LSM12: variants seen among roughly 807,000 people sequenced by gnomAD.
LSM12 encodes the protein protein LSM12.
For missense variants in LSM12, 108 were observed against 238.9 expected, an observed-to-expected ratio of 0.45 and a Z score of 3.61; for synonymous variants, 74 against 87.3, an observed-to-expected ratio of 0.85 and a Z score of 0.85.
At chr17:44,039,437 A>C (rs1597882633) in intron 3 of LSM12, among the ~76,000 whole-genome samples, 1 of 122,562 alleles carries the variant, frequency 8.2e-6, no homozygotes, top group Non-Finnish European at 1.6e-5. Context: ...TGCGGACTGC[A>C]GTGGCGCAAT....
chr17:44,038,451 G>A (rs1240649169), intron 3 of LSM12, among the ~76,000 whole-genome samples: 1 of 151,900 alleles, frequency 6.6e-6, no homozygotes, highest in Non-Finnish European at 1.5e-5. Flanking sequence ...GAGGTCAGGA[G>A]ATCGAGACCA....
rs1275674064 is a variant in LSM12, at chr17:44,035,644, G to A, written c.*564C>T. 5.9e-5 allele frequency: 1 copy of A among 17,082 alleles called. No individual in the cohort carries two copies. The highest frequency in any genetic ancestry group is 1.1e-4 in the Non-Finnish European group (1 of 9,264). The allele number at this position is 17,082 out of a possible 1,614,324, so 1.1% of individuals were successfully genotyped here. Reference sequence around the variant, plus strand: ...TTTTCATATATATATTTAAAGTTAAGAAAAATAAAACTAATTCAAGCCATG... The same window carrying A: ...TTTTCATATATATATTTAAAGTTAAAAAAAATAAAACTAATTCAAGCCATG... On this transcript the variant is annotated 3_prime_UTR_variant, in exon 5 of 5. Coordinates refer to ENST00000293406, the MANE Select transcript of LSM12 (RefSeq NM_001371445.1).
At chr17:44,063,440 A>T (rs2144116123) in intron 2 of LSM12, among the ~76,000 whole-genome samples, 1 of 152,220 alleles carries the variant, frequency 6.6e-6, no homozygotes, top group Middle Eastern at 3.4e-3. Context: ...GAAAATGCAT[A>T]TATTCACGTA....
At chr17:44,037,284 A>G in intron 4 of LSM12, 128 bp downstream of exon 4, 1 of 1,151,416 alleles carries the variant, frequency 8.7e-7, no homozygotes, top group Non-Finnish European at 1.2e-6. Flanking sequence ...GAAGGCAGGG[A>G]GGCCAGACAG....
intron 2 of LSM12, among the ~76,000 whole-genome samples, chr17:44,041,061 G>A (rs371624703): frequency 5.7e-4 from 80 of 140,204 alleles, no homozygotes; most frequent in African/African-American, 2.0e-3. Context: ...CACTGAGGTA[G>A]GGAGTTCGAG....
chr17:44,041,273 TAAAAA>T (rs11302122), intron 2 of LSM12, among the ~76,000 whole-genome samples: 24,613 of 108,520 alleles, frequency 0.23, 3,196 homozygotes, highest in Middle Eastern at 0.33. Flanking sequence ...TCTGTCTCTT[TAAAAA>T]AAAAAAAAAC....
At position 44,066,620 on chromosome 17, in the gene LSM12, C is replaced by A; in HGVS notation, c.-33G>T. On this transcript the variant is annotated 5_prime_UTR_variant, in exon 1 of 5. Coordinates refer to ENST00000293406, the MANE Select transcript of LSM12 (RefSeq NM_001371445.1). ...GTGCAGCCGCGGCCGGCGGCGGCGG[C>A]GGCAGCAGCGGGCGAAAGCCGGGCC... 1 of 1,315,202 alleles carries A rather than the reference C, an allele frequency of 7.6e-7. No homozygotes were observed. The highest frequency in any genetic ancestry group is 9.7e-7 in the Non-Finnish European group (1 of 1,028,874). The allele number at this position is 1,315,202 out of a possible 1,614,324, so 81.5% of individuals were successfully genotyped here. A position where few individuals can be genotyped will look rare whatever the true frequency, so the allele number is the denominator to read the frequency against.
intron 2 of LSM12, among the ~76,000 whole-genome samples, chr17:44,057,088 G>A (rs368316098): frequency 2.3e-4 from 35 of 151,552 alleles, no homozygotes; most frequent in African/African-American, 7.5e-4. Flanking sequence ...CACAGGAGGC[G>A]GAGGTTGCAG....
intron 2 of LSM12, among the ~76,000 whole-genome samples, chr17:44,045,698 G>A (rs1436498703): frequency 6.6e-6 from 1 of 152,090 alleles, no homozygotes; most frequent in African/African-American, 2.4e-5. Context: ...AGCTTCCCAA[G>A]TAGCTGGGAC....
intron 2 of LSM12, among the ~76,000 whole-genome samples, chr17:44,043,088 T>G (rs2049516563): frequency 1.3e-5 from 2 of 152,192 alleles, no homozygotes; most frequent in African/African-American, 4.8e-5. Flanking sequence ...GGCTTAGGTT[T>G]GACTATGAAA....
At chr17:44,041,290 AACACACACACAC>A (rs72358942) in intron 2 of LSM12, among the ~76,000 whole-genome samples, 4,730 of 110,418 alleles carry the variant, frequency 0.043, 125 homozygotes, top group East Asian at 0.091. Flanking sequence ...AAAAAAAACA[AACACACACACAC>A]ACACACACAC....
At chr17:44,041,351 A>AC (rs2049492220) in intron 2 of LSM12, among the ~76,000 whole-genome samples, 1 of 151,224 alleles carries the variant, frequency 6.6e-6, no homozygotes, top group Non-Finnish European at 1.5e-5. Flanking sequence ...ACACACACAC[A>AC]GAATTTCCAT....
chr17:44,046,446 G>T (rs1030096287), intron 2 of LSM12, among the ~76,000 whole-genome samples: 2 of 151,288 alleles, frequency 1.3e-5, no homozygotes, highest in Non-Finnish European at 2.9e-5. Flanking sequence ...AGTGGCTCAC[G>T]CCTGCAATCC....
intron 2 of LSM12, among the ~76,000 whole-genome samples, chr17:44,045,868 C>T (rs994231315): frequency 1.3e-5 from 2 of 151,778 alleles, no homozygotes; most frequent in African/African-American, 4.8e-5. Context: ...CCACCCTACC[C>T]GGCTGTTTCC....
intron 2 of LSM12, among the ~76,000 whole-genome samples, chr17:44,040,647 T>C (rs142795741): frequency 6.6e-6 from 1 of 152,062 alleles, no homozygotes; most frequent in Non-Finnish European, 1.5e-5. Flanking sequence ...TGGGGGACTA[T>C]GTGATGGCAA....
chr17:44,058,118 T>C (rs1465877332), intron 2 of LSM12, among the ~76,000 whole-genome samples: 1 of 151,188 alleles, frequency 6.6e-6, no homozygotes, highest in Non-Finnish European at 1.5e-5. Context: ...GCGCCTGTAG[T>C]CCCAGCTACT....
chr17:44,045,727 C>T lies in LSM12; in HGVS notation c.259-5471G>A, dbSNP rs1355424805. On this transcript the variant is annotated intron_variant, in intron 2 of 4. Coordinates refer to ENST00000293406, the MANE Select transcript of LSM12 (RefSeq NM_001371445.1). ...CTGGGACCACAGAAGCACACCACCA[C>T]GCCCAGCTAAGGTGTTGTATTTTTT... 2.0e-5 allele frequency among the ~76,000 whole-genome samples: 3 copies of T among 152,058 alleles called. No individual in the cohort carries two copies. In the East Asian group the frequency reaches 5.8e-4, roughly 29 times the overall value.
rs2144060275 is a variant in LSM12 at position 44,035,792 on chromosome 17, A to G, written c.*416T>C. 1 of 153,254 alleles carries G rather than the reference A, an allele frequency of 6.5e-6. No homozygotes were observed. The highest frequency in any genetic ancestry group is 1.9e-4 in the East Asian group (1 of 5,246). 9.5% of individuals were successfully genotyped at this position (153,254 alleles called of 1,614,324 possible). A position where few individuals can be genotyped will look rare whatever the true frequency, so the allele number is the denominator to read the frequency against. ...GAATCACAGTCAGCTTGTTACTTTTATTTTGGAAGAAAAGATGTAAAAGTT... is the reference window on the plus strand; with the variant it reads ...GAATCACAGTCAGCTTGTTACTTTTGTTTTGGAAGAAAAGATGTAAAAGTT... On this transcript the variant is annotated 3_prime_UTR_variant, in exon 5 of 5. Transcript: ENST00000293406.
rs1013101624 is a variant in LSM12, at chr17:44,034,540, A to G, written c.*1668T>C. The stretch of plus-strand genomic sequence containing the variant: ...TGAAAAGAGAGGGTAAATAGTAGGA[A>G]GAAGAGACTCTAAAGAGAAAGGTCA... On this transcript the variant is annotated 3_prime_UTR_variant, in exon 5 of 5. Transcript: ENST00000293406. 1 of 152,532 alleles carries G rather than the reference A, an allele frequency of 6.6e-6. No homozygotes were observed. Among genetic ancestry groups the G allele is most frequent in the African/African-American group, 2.4e-5 (1 of 41,406 alleles). The allele number at this position is 152,532 out of a possible 1,614,324, so 9.4% of individuals were successfully genotyped here.
Sources: allele counts gnomAD v4.1 joint callset (sites outside exome capture counted in the v4.1 genomes callset), GRCh38; gene constraint gnomAD v4.1.1; transcripts MANE v1.5; gene names NCBI Gene and HGNC (gene_info 2026-07-23, HGNC 2026-07-21).